Variants in NEMP2 observed in about 807,000 individuals in gnomAD.
NEMP2 encodes the protein nuclear envelope integral membrane protein 2.
Under a neutral mutation model 54.2 loss-of-function variants are expected in NEMP2, and 53 were observed. The observed-to-expected ratio is 0.98, with a 90% CI of 0.78 to 1.23. The LOEUF is 1.23. Among genes scored for constraint, NEMP2 ranks in the 50% most tolerant of loss-of-function variants. NEMP2 has a pLI of 0.00. For missense variants in NEMP2, 455 were observed against 511.3 expected (o/e 0.89, Z 1.06); for synonymous variants, 197 against 190.3 (o/e 1.04, Z -0.29).
the NEMP2 span, among the ~76,000 whole-genome samples, chr2:190,574,569 A>G: frequency 1.3e-5 from 2 of 152,072 alleles, no homozygotes; most frequent in African/African-American, 4.8e-5. Flanking sequence ...TTGATTATAG[A>G]ATATTTTCAT....
At chr2:190,532,682 C>T (rs1268532083) in intron 1 of NEMP2, among the ~76,000 whole-genome samples, 1 of 152,140 alleles carries the variant, frequency 6.6e-6, no homozygotes, top group East Asian at 1.9e-4. Flanking sequence ...AGGAAGGCAC[C>T]TTAGGTATCA....
chr2:190,499,726 A>G, downstream of NEMP2: 1 of 1,210,512 alleles, frequency 8.3e-7, no homozygotes, highest in South Asian at 1.4e-5. The surrounding 1 kb of genome is among the most constrained non-coding windows in gnomAD (Gnocchi z 6.0). Flanking sequence ...ATATTTGCTG[A>G]TGTAAACTGT....
the NEMP2 span, among the ~76,000 whole-genome samples, chr2:190,543,677 A>G: frequency 6.6e-6 from 1 of 152,190 alleles, no homozygotes; most frequent in Non-Finnish European, 1.5e-5. The surrounding 1 kb of genome is among the most constrained non-coding windows in gnomAD (Gnocchi z 4.7). Context: ...TGCTGGTGAT[A>G]ATGTTAGGGG....
chr2:190,582,458 C>A, the NEMP2 span, among the ~76,000 whole-genome samples: 1 of 152,100 alleles, frequency 6.6e-6, no homozygotes, highest in Non-Finnish European at 1.5e-5. This position sits in a 1 kb window ranked among gnomAD's most constrained non-coding sequence, Gnocchi z 4.6. Context: ...TTTTATATGC[C>A]TCTAAGGAAT....
the NEMP2 span, chr2:190,433,319 C>A: frequency 6.6e-6 from 1 of 152,030 alleles, no homozygotes; most frequent in South Asian, 2.1e-4. This position sits in a 1 kb window ranked among gnomAD's most constrained non-coding sequence, Gnocchi z 4.5. Context: ...ATTATTTTTT[C>A]TTTTCAGATG....
the NEMP2 span, among the ~76,000 whole-genome samples, chr2:190,647,710 CTTTTTTTTT>C: frequency 2.9e-5 from 3 of 102,384 alleles, no homozygotes; most frequent in African/African-American, 7.6e-5. Flanking sequence ...TCTTCTTCTT[CTTTTTTTTT>C]TTTTTTTTTT....
chr2:190,498,384 TAA>T, the NEMP2 span, among the ~76,000 whole-genome samples: 1 of 152,194 alleles, frequency 6.6e-6, no homozygotes, highest in African/African-American at 2.4e-5. This position sits in a 1 kb window ranked among gnomAD's most constrained non-coding sequence, Gnocchi z 5.9. Flanking sequence ...TTTTATTTGA[TAA>T]GTCACGTCAG....
chr2:190,633,311 CTTTT>C, the NEMP2 span, among the ~76,000 whole-genome samples: 8 of 132,488 alleles, frequency 6.0e-5, no homozygotes, highest in Middle Eastern at 3.4e-3. Context: ...TCAACTTTTC[CTTTT>C]TTTTTTTTTT....
At chr2:190,465,979 G>A in the NEMP2 span, among the ~76,000 whole-genome samples, 3 of 152,074 alleles carry the variant, frequency 2.0e-5, no homozygotes, top group South Asian at 2.1e-4. This position sits in a 1 kb window ranked among gnomAD's most constrained non-coding sequence, Gnocchi z 4.6. Context: ...AAAAAAACTC[G>A]GAAGTTTATT....
At chr2:190,572,367 C>T in the NEMP2 span, among the ~76,000 whole-genome samples, 1 of 152,070 alleles carries the variant, frequency 6.6e-6, no homozygotes, top group African/African-American at 2.4e-5. Flanking sequence ...TAAATAAGGC[C>T]TATAGAACAT....
the NEMP2 span, among the ~76,000 whole-genome samples, chr2:190,601,499 A>T: frequency 6.6e-6 from 1 of 152,214 alleles, no homozygotes; most frequent in Non-Finnish European, 1.5e-5. This position sits in a 1 kb window ranked among gnomAD's most constrained non-coding sequence, Gnocchi z 5.8. Flanking sequence ...TGCTGGTTTG[A>T]TGGTGCTAAG....
chr2:190,567,623 C>G, the NEMP2 span, among the ~76,000 whole-genome samples: 1 of 151,992 alleles, frequency 6.6e-6, no homozygotes, highest in Non-Finnish European at 1.5e-5. The surrounding 1 kb of genome is among the most constrained non-coding windows in gnomAD (Gnocchi z 4.0). Flanking sequence ...ATGAACGATG[C>G]CTTAAGAATT....
chr2:190,622,971 C>T, the NEMP2 span, among the ~76,000 whole-genome samples: 1 of 151,904 alleles, frequency 6.6e-6, no homozygotes. Context: ...AACAGACAAA[C>T]CAATTCAATA....
At chr2:190,500,173 G>A (rs771058431), downstream of NEMP2, 62 of 1,614,030 alleles carry the variant, frequency 3.8e-5, no homozygotes, top group Admixed American at 6.7e-4. This position sits in a 1 kb window ranked among gnomAD's most constrained non-coding sequence, Gnocchi z 5.3. Flanking sequence ...CGTGCACAGA[G>A]GAGAGTGAAG....
chr2:190,492,344 A>G, the NEMP2 span, among the ~76,000 whole-genome samples: 1 of 152,248 alleles, frequency 6.6e-6, no homozygotes, highest in East Asian at 1.9e-4. The surrounding 1 kb of genome is among the most constrained non-coding windows in gnomAD (Gnocchi z 5.2). Context: ...GCACATTGTC[A>G]TCAGGCTATC....
chr2:190,455,086 C>T, the NEMP2 span, among the ~76,000 whole-genome samples: 7 of 151,936 alleles, frequency 4.6e-5, no homozygotes, highest in African/African-American at 7.3e-5. Context: ...TGCCCAAAGT[C>T]CCTTCTGAGT....
chr2:190,481,754 G>T, the NEMP2 span, among the ~76,000 whole-genome samples: 1 of 152,222 alleles, frequency 6.6e-6, no homozygotes, highest in Admixed American at 6.5e-5. Flanking sequence ...ATCAATAGGT[G>T]TGGGAATGTT....
the NEMP2 span, among the ~76,000 whole-genome samples, chr2:190,572,206 T>G: frequency 6.6e-6 from 1 of 152,330 alleles, no homozygotes; most frequent in East Asian, 1.9e-4. Context: ...AGCTAGTATA[T>G]TTTCTCAGCT....
the NEMP2 span, among the ~76,000 whole-genome samples, chr2:190,462,104 C>T: frequency 2.0e-5 from 3 of 152,046 alleles, no homozygotes; most frequent in Admixed American, 6.5e-5. The surrounding 1 kb of genome is among the most constrained non-coding windows in gnomAD (Gnocchi z 5.7). Context: ...AATCATTGTT[C>T]GTGATTTGCT....
Sources: gnomAD v4.1 joint callset for allele counts (sites outside exome capture counted in the v4.1 genomes callset) on GRCh38, gnomAD v4.1.1 for gene constraint, Gnocchi (gnomAD v3.1) non-coding constraint, MANE v1.5 for transcripts, NCBI Gene and HGNC (gene_info 2026-07-23, HGNC 2026-07-21) for gene names.